The following FAM20C variants were observed in gnomAD, a reference collection of about 807,000 sequenced individuals.
The protein encoded by FAM20C is FAM20C golgi associated secretory pathway kinase, also known as extracellular serine/threonine protein kinase FAM20C.
A neutral mutation model predicts 51.5 loss-of-function variants in FAM20C; 40 were observed. The ratio of observed to expected loss-of-function variants is 0.78; its 90% CI spans 0.60 to 1.01. FAM20C has a LOEUF of 1.01. Ranked by LOEUF, FAM20C falls within the 50% of genes least tolerant of loss-of-function variation. FAM20C has a pLI of 0.00. For synonymous variants in FAM20C, 406 were observed against 380.6 expected (o/e 1.07, Z -0.78); for missense variants, 861 against 844.7 (o/e 1.02, Z -0.24).
rs148322748 is a variant in FAM20C at position 251,269 on chromosome 7, C to G, written c.1072+2839C>G. 1.5e-3 allele frequency among the ~76,000 whole-genome samples: 108 copies of G among 73,398 alleles called. 6 individuals are homozygous for G. Among genetic ancestry groups the G allele is most frequent in the African/African-American group, 3.8e-3 (103 of 27,326 alleles). The allele number at this position is 73,398 out of a possible 152,430, so 48.2% of individuals were successfully genotyped here. A position where few individuals can be genotyped will look rare whatever the true frequency, so the allele number is the denominator to read the frequency against. ...CTGAGTGGCCGGGCACGGTGGCTCACACGCCTGCAATCCCAGTACTGGGAG... is the reference window on the plus strand; with the variant it reads ...CTGAGTGGCCGGGCACGGTGGCTCAGACGCCTGCAATCCCAGTACTGGGAG... On this transcript the variant is annotated intron_variant, in intron 5 of 9. Coordinates refer to ENST00000313766, the MANE Select transcript of FAM20C (RefSeq NM_020223.4).
chr7:227,308 G>A (rs1274189554), intron 3 of FAM20C, among the ~76,000 whole-genome samples: 2 of 151,964 alleles, frequency 1.3e-5, no homozygotes, highest in South Asian at 2.1e-4. Flanking sequence ...TACTGGGGAC[G>A]AAAATGGAAG....
Position 258,657 on chromosome 7 carries a change from A to G in FAM20C, c.1457A>G (p.Tyr486Cys). ...TTTTCTTCTGGAAGGTTTGGGAAGT[A>G]TTCGCACGACGAGCTCTCCATCCTG... The part of the protein sequence containing the change: ...HLDNGRGFGK[Y>C]SHDELSILVP... Residue 486 changes from tyrosine (Y) to cysteine (C), a missense_variant, in exon 9 of 10, where the codon TAT becomes TGT. Physicochemically the swap from Tyr to Cys is radical, Grantham distance 194. This residue lies in a region of FAM20C where 269 missense variants were observed against 283.8 expected (regional missense o/e 0.95). Coordinates refer to ENST00000313766, the MANE Select transcript of FAM20C (RefSeq NM_020223.4). The G allele has an allele frequency of 1.3e-6, 2 of 1,536,766 alleles. No homozygotes were observed. The highest frequency in any genetic ancestry group is 1.7e-6 in the Non-Finnish European group (2 of 1,146,572).
rs1012615122 is a variant in FAM20C, at chr7:197,746, C to T, written c.784+2014C>T. On this transcript the variant is annotated intron_variant, in intron 2 of 9. Coordinates refer to ENST00000313766, the MANE Select transcript of FAM20C (RefSeq NM_020223.4). The stretch of plus-strand genomic sequence containing the variant: ...GCAGCTCGCCACCTCCCTCACCGAC[C>T]GGTCAGCTTTCCAACACCAACACTG... Among the ~76,000 whole-genome samples the T allele has an allele frequency of 1.4e-4, 21 of 152,226 alleles. 1 individual carries two copies. The highest frequency in any genetic ancestry group is 1.1e-3 in the Admixed American group (17 of 15,288).
intron 3 of FAM20C, among the ~76,000 whole-genome samples, chr7:220,219 C>T (rs1467209502): frequency 1.3e-5 from 2 of 152,208 alleles, no homozygotes; most frequent in Non-Finnish European, 2.9e-5. Context: ...TGGAAGTGGC[C>T]TCCTGGGTCC....
At chr7:220,110 G>A (rs1182366283) in intron 3 of FAM20C, among the ~76,000 whole-genome samples, 1 of 152,218 alleles carries the variant, frequency 6.6e-6, no homozygotes, top group Non-Finnish European at 1.5e-5. Flanking sequence ...AAGACCCCTT[G>A]CAGGAAGGTT....
intron 3 of FAM20C, among the ~76,000 whole-genome samples, chr7:223,289 C>T (rs1488998985): frequency 6.6e-6 from 1 of 152,176 alleles, no homozygotes; most frequent in Non-Finnish European, 1.5e-5. Context: ...GTCAGATCGT[C>T]CGCTGGGCTG....
At chr7:258,997 G>A (rs904954556) in intron 9 of FAM20C, among the ~76,000 whole-genome samples, 1 of 152,236 alleles carries the variant, frequency 6.6e-6, no homozygotes, top group Non-Finnish European at 1.5e-5. Flanking sequence ...GCAGACGCCA[G>A]CTGAGACACA....
chr7:220,786 A>G (rs1787226742), intron 3 of FAM20C, among the ~76,000 whole-genome samples: 1 of 152,218 alleles, frequency 6.6e-6, no homozygotes, highest in Non-Finnish European at 1.5e-5. Context: ...GCTCGAGCAT[A>G]GGAGGCCTGG....
chr7:249,374 ACT>A (rs1312697910), intron 5 of FAM20C, among the ~76,000 whole-genome samples: 1 of 152,200 alleles, frequency 6.6e-6, no homozygotes, highest in Non-Finnish European at 1.5e-5. Context: ...AACCTTCAAG[ACT>A]CTACGTGATA....
At chr7:210,729 TC>T (rs1299647716) in intron 3 of FAM20C, among the ~76,000 whole-genome samples, 2 of 152,098 alleles carry the variant, frequency 1.3e-5, no homozygotes, top group East Asian at 3.9e-4. Context: ...AGCAGAGTGT[TC>T]CTGGGCGCCA....
chr7:198,210 T>C (rs1271497200), intron 2 of FAM20C, among the ~76,000 whole-genome samples: 2 of 152,148 alleles, frequency 1.3e-5, no homozygotes, highest in Non-Finnish European at 2.9e-5. Flanking sequence ...GCAAGGACGA[T>C]GGGCAGACAC....
At chr7:216,499 A>T (rs749217873) in intron 3 of FAM20C, among the ~76,000 whole-genome samples, 2 of 151,710 alleles carry the variant, frequency 1.3e-5, no homozygotes, top group Non-Finnish European at 2.9e-5. Flanking sequence ...GTGGGGTGAC[A>T]TCTCACTGAG....
chr7:217,405 GC>G (rs1321815618), intron 3 of FAM20C, among the ~76,000 whole-genome samples: 1 of 152,200 alleles, frequency 6.6e-6, no homozygotes, highest in South Asian at 2.1e-4. Flanking sequence ...CCTCCCGGGT[GC>G]CCCCCTTTAG....
At chr7:195,394 GCA>G in intron 1 of FAM20C, 158 bp from the exon 2 acceptor site, 1 of 548,144 alleles carries the variant, frequency 1.8e-6, no homozygotes, top group Non-Finnish European at 2.9e-6. Flanking sequence ...AGAAGAAAGC[GCA>G]GACGTTGCAG....
Position 256,944 on chromosome 7 carries a change from G to T in FAM20C, c.1364-61G>T, listed in dbSNP as rs1386666652. 4.6e-6 allele frequency: 7 copies of T among 1,511,730 alleles called. No homozygotes were observed. In the Admixed American group the frequency reaches 7.9e-5, roughly 17 times the overall value. The allele number at this position is 1,511,730 out of a possible 1,614,324, so 93.6% of individuals were successfully genotyped here. On this transcript the variant is annotated intron_variant, in intron 7 of 9. Coordinates refer to ENST00000313766, the MANE Select transcript of FAM20C (RefSeq NM_020223.4). ...AGACGCCGCTCTGCAGAGCACAGAG[G>T]CCTCTGAGCTACGTGGCCCGGCTCC...
chr7:255,902 G>T lies in FAM20C; in HGVS notation c.1126G>T (p.Ala376Ser), dbSNP rs1322418265. 1 of 1,536,446 alleles carries T rather than the reference G, an allele frequency of 6.5e-7. No individual in the cohort carries two copies. The highest frequency in any genetic ancestry group is 1.2e-5 in the South Asian group (1 of 84,062). Residue 376 changes from alanine to serine, a missense_variant, in exon 6 of 10, where the codon GCC (alanine) becomes TCC (serine). Physicochemically the swap from Ala to Ser is moderately conservative, Grantham distance 99 (BLOSUM62 1). Transcript: ENST00000313766. ...ECSYYCSTEHALCGKPDQIEG... is the reference protein window; with the variant it reads ...ECSYYCSTEHSLCGKPDQIEG... ...TTCCTACTACTGCTCCACGGAGCAC[G>T]CCCTGTGCGGGAAGCCAGACCAGAT...
chr7:212,417 G>A (rs954975384), intron 3 of FAM20C, among the ~76,000 whole-genome samples: 2 of 152,136 alleles, frequency 1.3e-5, no homozygotes, highest in Non-Finnish European at 2.9e-5. Context: ...GAGCCGAGCT[G>A]ACGCCACTGC....
At chr7:256,864 C>T (rs894092140) in intron 7 of FAM20C, 101 bp downstream of exon 7, 28 of 1,417,794 alleles carry the variant, frequency 2.0e-5, no homozygotes, top group South Asian at 9.9e-5. Flanking sequence ...GGCCCGGCTG[C>T]GGTCCTGTGG....
At chr7:200,096 G>A (rs1250166717) in intron 2 of FAM20C, among the ~76,000 whole-genome samples, 1 of 152,206 alleles carries the variant, frequency 6.6e-6, no homozygotes, top group African/African-American at 2.4e-5. Context: ...AAGGGCTTCC[G>A]CTGGGTCAGC....
Sources: allele counts gnomAD v4.1 joint callset (sites outside exome capture counted in the v4.1 genomes callset), GRCh38; gene constraint gnomAD v4.1.1; regional missense constraint gnomAD v4.1.1; transcripts MANE v1.5; gene names NCBI Gene and HGNC (gene_info 2026-07-23, HGNC 2026-07-21).